MGAT4C: variants seen among roughly 807,000 people sequenced by gnomAD.
MGAT4C encodes the protein alpha-1,3-mannosyl-glycoprotein 4-beta-N-acetylglucosaminyltransferase C.
A neutral mutation model predicts 40.1 loss-of-function variants in MGAT4C; 19 were observed. The ratio of observed to expected loss-of-function variants is 0.47; its 90% CI spans 0.33 to 0.70. The LOEUF is 0.70. MGAT4C is among the 30% of genes least tolerant of loss of function. The probability of loss-of-function intolerance (pLI) is 0.02; values close to 1 mark genes in which losing one functional copy is unlikely to be tolerated. For synonymous variants in MGAT4C, 181 were observed against 187.1 expected (o/e 0.97, Z 0.27); for missense variants, 491 against 563.2 (o/e 0.87, Z 1.30).
chr12:86,088,187 C>T (rs545295297), intron 1 of MGAT4C, among the ~76,000 whole-genome samples: 6 of 151,956 alleles, frequency 3.9e-5, no homozygotes, highest in Admixed American at 6.6e-5. Context: ...AGACTGAAAC[C>T]GGAGCCCTTC....
At chr12:86,774,276 G>C (rs1361725152) in intron 1 of MGAT4C, among the ~76,000 whole-genome samples, 3 of 53,336 alleles carry the variant, frequency 5.6e-5, no homozygotes, top group Non-Finnish European at 7.9e-5. Context: ...AACTTCTAAG[G>C]CTTGCTCTTT....
intron 3 of MGAT4C, among the ~76,000 whole-genome samples, chr12:86,397,342 A>C (rs911334553): frequency 7.9e-5 from 12 of 152,116 alleles, no homozygotes; most frequent in Non-Finnish European, 1.6e-4. Flanking sequence ...AAAACCTCCC[A>C]AACCCTCTTT....
intron 1 of MGAT4C, among the ~76,000 whole-genome samples, chr12:86,121,995 TTC>T (rs1236234218): frequency 6.6e-6 from 1 of 152,200 alleles, no homozygotes; most frequent in African/African-American, 2.4e-5. Flanking sequence ...CACAAGTATA[TTC>T]TCTTTTAATT....
intron 2 of MGAT4C, among the ~76,000 whole-genome samples, chr12:86,608,500 C>T (rs1962125386): frequency 6.6e-6 from 1 of 152,000 alleles, no homozygotes; most frequent in Admixed American, 6.6e-5. Flanking sequence ...ATTGCTTGAG[C>T]CCAGGAGTTT....
intron 1 of MGAT4C, among the ~76,000 whole-genome samples, chr12:86,774,397 C>T (rs1253822342): frequency 2.3e-4 from 3 of 12,966 alleles, no homozygotes; most frequent in Non-Finnish European, 5.3e-4. Flanking sequence ...TCTCTCTCTC[C>T]TCTCTCTCTC....
chr12:86,156,081 A>G (rs960223107), intron 1 of MGAT4C, among the ~76,000 whole-genome samples: 4 of 152,214 alleles, frequency 2.6e-5, no homozygotes, highest in African/African-American at 9.6e-5. Flanking sequence ...ACATGCATAC[A>G]TGTACACATA....
chr12:86,568,011 G>C (rs1240456770), intron 2 of MGAT4C, among the ~76,000 whole-genome samples: 1 of 152,102 alleles, frequency 6.6e-6, no homozygotes, highest in African/African-American at 2.4e-5. Context: ...CTCTTTATTT[G>C]AAGATTATGC....
chr12:86,065,825 A>C (rs981530315), intron 1 of MGAT4C, among the ~76,000 whole-genome samples: 2 of 152,214 alleles, frequency 1.3e-5, no homozygotes, highest in Non-Finnish European at 2.9e-5. Flanking sequence ...GTCTCAGCCC[A>C]AAATCTCCTT....
chr12:86,162,976 G>T (rs1291803632), intron 1 of MGAT4C, among the ~76,000 whole-genome samples: 3 of 152,028 alleles, frequency 2.0e-5, no homozygotes, highest in Non-Finnish European at 4.4e-5. Flanking sequence ...TTAAATTAAT[G>T]CATGTCTGTT....
chr12:86,612,176 T>C (rs1415929310), intron 2 of MGAT4C, among the ~76,000 whole-genome samples: 5 of 152,128 alleles, frequency 3.3e-5, no homozygotes, highest in African/African-American at 9.7e-5. Context: ...AGAACTTGCA[T>C]GCATGATACT....
intron 1 of MGAT4C, among the ~76,000 whole-genome samples, chr12:86,782,170 T>G (rs12813698): frequency 3.9e-5 from 3 of 76,804 alleles, no homozygotes. Flanking sequence ...ATGTTTTTTG[T>G]ATTTTTTTTT....
intron 2 of MGAT4C, among the ~76,000 whole-genome samples, chr12:86,548,589 C>A (rs1959218784): frequency 6.6e-6 from 1 of 152,032 alleles, no homozygotes; most frequent in Non-Finnish European, 1.5e-5. Context: ...GCCAGATGAA[C>A]ATTTTAGGCA....
intron 1 of MGAT4C, among the ~76,000 whole-genome samples, chr12:86,808,783 C>G (rs984574217): frequency 6.6e-6 from 1 of 151,968 alleles, no homozygotes; most frequent in African/African-American, 2.4e-5. Context: ...CCAGCACAAT[C>G]AAGCAATAGA....
At chr12:86,827,411 C>T (rs533748407) in intron 1 of MGAT4C, among the ~76,000 whole-genome samples, 20 of 151,482 alleles carry the variant, frequency 1.3e-4, no homozygotes, top group African/African-American at 4.8e-4. Flanking sequence ...CTGAGTTTTT[C>T]TCAATAGTAT....
rs973054877 is a variant in MGAT4C at position 86,038,770 on chromosome 12, CT to C, written c.-7+10903del. On this transcript the variant is annotated intron_variant, in intron 2 of 4. Coordinates refer to ENST00000611864, the MANE Select transcript of MGAT4C (RefSeq NM_001351288.2). ...TATTGTTATGTGAGTTTGATCCTGCCTTTATAATGCTAGCTGGGTATTTTGC... is the reference window on the plus strand; with the variant it reads ...TATTGTTATGTGAGTTTGATCCTGCCTTATAATGCTAGCTGGGTATTTTGC... 6.0e-5 allele frequency among the ~76,000 whole-genome samples: 9 copies of C among 149,712 alleles called. 1 individual carries two copies. Among genetic ancestry groups the C allele is most frequent in the Admixed American group, 6.7e-5 (1 of 14,924 alleles).
intron 2 of MGAT4C, among the ~76,000 whole-genome samples, chr12:86,602,883 C>T (rs563613058): frequency 2.7e-5 from 4 of 147,678 alleles, no homozygotes; most frequent in South Asian, 2.2e-4. Flanking sequence ...TGCCCATCTG[C>T]GTGTGTGTGT....
At chr12:86,642,441 G>T (rs1452837451) in intron 2 of MGAT4C, among the ~76,000 whole-genome samples, 1 of 151,632 alleles carries the variant, frequency 6.6e-6, no homozygotes, top group East Asian at 1.9e-4. Context: ...AATATTTTTG[G>T]TAAGTATAAC....
At chr12:86,484,739 C>T (rs888220828) in intron 2 of MGAT4C, among the ~76,000 whole-genome samples, 3 of 152,158 alleles carry the variant, frequency 2.0e-5, no homozygotes, top group South Asian at 2.1e-4. Flanking sequence ...GCCCGACAGC[C>T]TTTCCTGAGA....
rs1358305022 is a variant in MGAT4C at position 86,334,625 on chromosome 12, T to A, written c.-119-498A>T. Among the ~76,000 whole-genome samples the A allele has an allele frequency of 2.6e-5, 4 of 152,162 alleles. No individual in the cohort carries two copies. The East Asian group carries it at 7.7e-4, about 29-fold the overall frequency. ...ATATCCAATGACACTTTGGGGGATA[T>A]AAATATAGCTACTAAATTTACCTTC... is the stretch of plus-strand genomic sequence containing the variant. On this transcript the variant is annotated intron_variant, in intron 3 of 7. Coordinates refer to the MGAT4C transcript ENST00000548651.
Sources: allele counts gnomAD v4.1 joint callset (sites outside exome capture counted in the v4.1 genomes callset), GRCh38; gene constraint gnomAD v4.1.1; transcripts MANE v1.5; gene names NCBI Gene and HGNC (gene_info 2026-07-23, HGNC 2026-07-21).